AGBL3: variants seen among roughly 807,000 people sequenced by gnomAD.
AGBL3 encodes the protein AGBL carboxypeptidase 3, also known as cytosolic carboxypeptidase 3.
In AGBL3, 68 loss-of-function variants were observed where a neutral mutation model predicts 94.5. The ratio of observed to expected loss-of-function variants is 0.72; its 90% confidence interval spans 0.59 to 0.88. The LOEUF (loss-of-function observed/expected upper bound fraction) is 0.88. Ranked by LOEUF, AGBL3 falls within the 40% of genes least tolerant of loss-of-function variation. The pLI, the probability that AGBL3 is intolerant of heterozygous loss-of-function variation, is 0.00. For missense variants in AGBL3, 934 were observed against 1,103.8 expected (o/e 0.85, Z 2.18); for synonymous variants, 354 against 370.7 (o/e 0.95, Z 0.52).
intron 16 of AGBL3, chr7:135,129,242 C>A: frequency 6.7e-7 from 1 of 1,502,390 alleles, no homozygotes; most frequent in Non-Finnish European, 9.3e-7. Context: ...CTGGCTACAT[C>A]ATGGGTATCT....
intron 11 of AGBL3, among the ~76,000 whole-genome samples, chr7:135,047,717 G>C (rs941120061): frequency 6.6e-6 from 1 of 151,896 alleles, no homozygotes; most frequent in South Asian, 2.1e-4. Flanking sequence ...ACAAAATCAG[G>C]TTATAGGGGT....
intron 5 of AGBL3, among the ~76,000 whole-genome samples, chr7:135,027,005 T>C (rs1427872886): frequency 2.0e-5 from 3 of 151,682 alleles, no homozygotes; most frequent in Non-Finnish European, 4.4e-5. Flanking sequence ...TTGATTGGTT[T>C]AGAAATTACA....
chr7:135,067,853 C>A (rs1187331780), intron 12 of AGBL3, among the ~76,000 whole-genome samples: 1 of 152,202 alleles, frequency 6.6e-6, no homozygotes, highest in Admixed American at 6.5e-5. Flanking sequence ...CAAAGGAACG[C>A]AGCTCCTCAC....
chr7:135,102,031 C>A (rs1252114181), intron 15 of AGBL3, among the ~76,000 whole-genome samples: 3 of 152,198 alleles, frequency 2.0e-5, no homozygotes, highest in African/African-American at 7.2e-5. Flanking sequence ...CCACCATGAT[C>A]GTGAGGCCTC....
chr7:135,051,255 G>T, intron 11 of AGBL3: 1 of 194,062 alleles, frequency 5.2e-6, no homozygotes, highest in South Asian at 8.3e-5. Context: ...AACCTTCCCT[G>T]GTGACTAATA....
intron 15 of AGBL3, among the ~76,000 whole-genome samples, chr7:135,088,563 C>A (rs1821518864): frequency 6.6e-6 from 1 of 152,236 alleles, no homozygotes; most frequent in African/African-American, 2.4e-5. Flanking sequence ...TCTTGTAAGA[C>A]CAGTCTAGTG....
At chr7:135,057,604 C>T (rs1453475342) in intron 11 of AGBL3, among the ~76,000 whole-genome samples, 1 of 152,126 alleles carries the variant, frequency 6.6e-6, no homozygotes, top group Non-Finnish European at 1.5e-5. Flanking sequence ...CAAAATGGTA[C>T]AGCTATTTTG....
At chr7:135,084,585 A>G (rs1465827916) in intron 15 of AGBL3, among the ~76,000 whole-genome samples, 1 of 152,164 alleles carries the variant, frequency 6.6e-6, no homozygotes, top group Non-Finnish European at 1.5e-5. Context: ...ATGAATGAGA[A>G]CATGCAGTAT....
rs1044660531 is a variant in AGBL3 at position 135,087,281 on chromosome 7, C to A, written c.2110+5491C>A. ...TGTTGATTTTATCTTTCAAAAAAAA[C>A]CAACTTTTCATTTCATTGATCTTTT... On this transcript the variant is annotated intron_variant, in intron 15 of 16. Transcript: ENST00000436302. Among the ~76,000 whole-genome samples the A allele has an allele frequency of 1.4e-4, 21 of 150,894 alleles. No homozygotes were observed. The South Asian group carries it at 1.5e-3, about 10-fold the overall frequency.
At chr7:135,085,915 T>C (rs994711240) in intron 15 of AGBL3, among the ~76,000 whole-genome samples, 74 of 152,232 alleles carry the variant, frequency 4.9e-4, no homozygotes, top group Admixed American at 4.8e-3. Context: ...GTGCATTGAA[T>C]GAACAGATAA....
At chr7:135,102,000 G>GT (rs1823908877) in intron 15 of AGBL3, among the ~76,000 whole-genome samples, 2 of 152,172 alleles carry the variant, frequency 1.3e-5, no homozygotes, top group Admixed American at 1.3e-4. Context: ...CTGCTTCCAT[G>GT]TAAGACGTGC....
At chr7:135,106,283 G>A (rs1040096906) in intron 15 of AGBL3, among the ~76,000 whole-genome samples, 11 of 152,160 alleles carry the variant, frequency 7.2e-5, no homozygotes, top group Non-Finnish European at 1.0e-4. Flanking sequence ...AAAGGTGAGA[G>A]AGGGCATCCT....
intron 16 of AGBL3, among the ~76,000 whole-genome samples, chr7:135,117,770 G>T (rs946666630): frequency 6.6e-6 from 1 of 152,128 alleles, no homozygotes; most frequent in Non-Finnish European, 1.5e-5. Flanking sequence ...ACTTTTGGGG[G>T]TGTCTACCTC....
At chr7:135,001,721 C>T (rs1023034588) in intron 4 of AGBL3, among the ~76,000 whole-genome samples, 1 of 152,094 alleles carries the variant, frequency 6.6e-6, no homozygotes, top group African/African-American at 2.4e-5. Context: ...TTATTTGTCC[C>T]TTTGTTGGAA....
chr7:135,130,124 CT>C (rs1828525718), intron 16 of AGBL3, among the ~76,000 whole-genome samples: 1 of 152,058 alleles, frequency 6.6e-6, no homozygotes, highest in South Asian at 2.1e-4. Context: ...AGGTAGAAGC[CT>C]TATGAAAATT....
chr7:135,032,288 A>AT (rs1815827001), intron 5 of AGBL3, among the ~76,000 whole-genome samples: 1 of 151,640 alleles, frequency 6.6e-6, no homozygotes, highest in Non-Finnish European at 1.5e-5. Flanking sequence ...AATGGAGTGA[A>AT]TTTTTTTGTT....
chr7:135,060,330 C>T (rs1818714499), intron 12 of AGBL3, among the ~76,000 whole-genome samples: 1 of 152,016 alleles, frequency 6.6e-6, no homozygotes, highest in Admixed American at 6.5e-5. Flanking sequence ...GAAATATGTA[C>T]ACATTGTGGA....
At chr7:135,028,801 C>T (rs983736035) in intron 5 of AGBL3, among the ~76,000 whole-genome samples, 7 of 152,138 alleles carry the variant, frequency 4.6e-5, no homozygotes, top group Non-Finnish European at 1.0e-4. Flanking sequence ...CCAGCTATAG[C>T]CTTACAAAAT....
rs891921020 is a variant in AGBL3 at position 135,089,392 on chromosome 7, T to C, written c.2110+7602T>C. Reference sequence around the variant, plus strand: ...GGAGTCTGTTATTAGAAAGCTATTATGGCTCTTTAGTGGTGTCATATTTCC... The same window carrying C: ...GGAGTCTGTTATTAGAAAGCTATTACGGCTCTTTAGTGGTGTCATATTTCC... On this transcript the variant is annotated intron_variant, in intron 15 of 16. Coordinates refer to ENST00000436302, the MANE Select transcript of AGBL3 (RefSeq NM_178563.4). Among the ~76,000 whole-genome samples, 85 of 152,350 alleles carry C rather than the reference T, an allele frequency of 5.6e-4. 1 individual carries two copies. The highest frequency in any genetic ancestry group is 1.9e-3 in the African/African-American group (79 of 41,578).
Sources: gnomAD v4.1 joint callset for allele counts (sites outside exome capture counted in the v4.1 genomes callset) on GRCh38, gnomAD v4.1.1 for gene constraint, MANE v1.5 for transcripts, NCBI Gene and HGNC (gene_info 2026-07-23, HGNC 2026-07-21) for gene names.